Variants in CEP128 observed in about 807,000 individuals in gnomAD.
CEP128 encodes centrosomal protein 128.
Under a neutral mutation model 156.7 loss-of-function variants are expected in CEP128, and 132 were observed. That is an observed-to-expected ratio of 0.84 (90% CI 0.73 to 0.97). The LOEUF is 0.97. Among genes scored for constraint, CEP128 ranks in the 50% least tolerant of loss-of-function variants. The probability of loss-of-function intolerance (pLI) is 0.00; values close to 1 mark genes in which losing one functional copy is unlikely to be tolerated. For missense variants in CEP128, 1,252 were observed against 1,281.9 expected (o/e 0.98, Z 0.36); for synonymous variants, 469 against 448.9 (o/e 1.04, Z -0.57).
chr14:80,639,561 A>C (rs1301176202), intron 19 of CEP128, among the ~76,000 whole-genome samples: 3 of 152,162 alleles, frequency 2.0e-5, no homozygotes, highest in Admixed American at 2.0e-4. Flanking sequence ...TTTATTGTTG[A>C]CATTTGTTAG....
At chr14:80,560,698 A>G (rs1890632848) in intron 20 of CEP128, among the ~76,000 whole-genome samples, 1 of 152,048 alleles carries the variant, frequency 6.6e-6, no homozygotes, top group African/African-American at 2.4e-5. Flanking sequence ...GCAGGCAGAG[A>G]AATGTGAAAG....
chr14:80,622,479 G>A (rs1407425947), intron 19 of CEP128, among the ~76,000 whole-genome samples: 5 of 148,998 alleles, frequency 3.4e-5, no homozygotes, highest in Admixed American at 2.7e-4. Flanking sequence ...AAACTAAAGA[G>A]CTTCTGCACA....
At chr14:80,714,861 A>G (rs1483436663) in intron 19 of CEP128, among the ~76,000 whole-genome samples, 1 of 152,140 alleles carries the variant, frequency 6.6e-6, no homozygotes, top group African/African-American at 2.4e-5. Flanking sequence ...CAAAAAAGCA[A>G]TTTCCACCCT....
chr14:80,833,947 T>A (rs556780966), intron 12 of CEP128, among the ~76,000 whole-genome samples: 6 of 152,254 alleles, frequency 3.9e-5, no homozygotes, highest in South Asian at 2.1e-4. Flanking sequence ...TGCCACACAC[T>A]GAGACAGGAA....
chr14:80,923,717 A>T (rs1885001113), intron 2 of CEP128, among the ~76,000 whole-genome samples: 1 of 152,192 alleles, frequency 6.6e-6, no homozygotes, highest in African/African-American at 2.4e-5. Flanking sequence ...AGTGTACTTT[A>T]CACTTAATCA....
chr14:80,798,123 C>T (rs1439888338), intron 13 of CEP128, among the ~76,000 whole-genome samples: 2 of 152,114 alleles, frequency 1.3e-5, no homozygotes, highest in African/African-American at 2.4e-5. Context: ...AAATTCTTGC[C>T]CATACATTGC....
At chr14:80,741,855 T>C (rs1898848549) in intron 19 of CEP128, among the ~76,000 whole-genome samples, 1 of 151,802 alleles carries the variant, frequency 6.6e-6, no homozygotes, top group Admixed American at 6.6e-5. Flanking sequence ...ATGTGTACCA[T>C]TATAAAAAAA....
At chr14:80,891,799 C>T (rs899567671) in intron 8 of CEP128, among the ~76,000 whole-genome samples, 6 of 151,308 alleles carry the variant, frequency 4.0e-5, no homozygotes, top group Non-Finnish European at 7.4e-5. Flanking sequence ...AAATATTTCA[C>T]GAAATATGTA....
intron 19 of CEP128, among the ~76,000 whole-genome samples, chr14:80,615,073 G>A (rs978453656): frequency 6.6e-6 from 1 of 152,056 alleles, no homozygotes; most frequent in Non-Finnish European, 1.5e-5. Context: ...GTAAGAAATG[G>A]TATTGATTGG....
rs142632996 is a variant in CEP128 at position 80,569,930 on chromosome 14, C to G, written c.2856+10444G>C. Among the ~76,000 whole-genome samples, 178 of 152,084 alleles carry G rather than the reference C, an allele frequency of 1.2e-3. 4 individuals are homozygous for G. The Middle Eastern group carries it at 0.024, about 20-fold the overall frequency. On this transcript the variant is annotated intron_variant, in intron 20 of 24. Transcript: ENST00000555265. ...GAAAGAGCTAAAGGAAAAGTATTAC[C>G]GAGAGAGGCAGATGCAGAGATCCTG...
chr14:80,781,098 T>C (rs28535411), intron 15 of CEP128, among the ~76,000 whole-genome samples: 9,967 of 152,238 alleles, frequency 0.065, 1,090 homozygotes, highest in African/African-American at 0.23. Flanking sequence ...CCGATTCAGA[T>C]AGAGAATGAG....
At chr14:80,820,388 G>A (rs1885100661) in intron 13 of CEP128, among the ~76,000 whole-genome samples, 1 of 152,148 alleles carries the variant, frequency 6.6e-6, no homozygotes, top group African/African-American at 2.4e-5. Context: ...ATTTACTTTT[G>A]TCTTGATGGG....
intron 19 of CEP128, among the ~76,000 whole-genome samples, chr14:80,688,848 A>T (rs540841488): frequency 6.6e-6 from 1 of 152,318 alleles, no homozygotes; most frequent in East Asian, 1.9e-4. Flanking sequence ...CTTTGTTATA[A>T]TTTCACCTAT....
intron 16 of CEP128, among the ~76,000 whole-genome samples, chr14:80,762,084 AG>A (rs1899999104): frequency 6.6e-6 from 1 of 152,176 alleles, no homozygotes; most frequent in Admixed American, 6.5e-5. Context: ...ACATAGCTTT[AG>A]AAAAATTCTA....
chr14:80,855,365 G>A (rs934051119), intron 9 of CEP128, among the ~76,000 whole-genome samples: 3 of 152,066 alleles, frequency 2.0e-5, no homozygotes, highest in Admixed American at 1.3e-4. Flanking sequence ...ACAGGATTGT[G>A]TTTGACTTTT....
Position 80,862,877 on chromosome 14 carries a change from A to C in CEP128, c.646-4T>G, listed in dbSNP as rs1183289993. On this transcript the variant is annotated splice_polypyrimidine_tract_variant and splice_region_variant and intron_variant, in intron 8 of 24. Transcript: ENST00000555265. ...GCCGCTCCACCCGATCTGAAACCTT[A>C]ATAAGAATTCAGAGAAACAGCAGCA... 6.2e-7 allele frequency: 1 copy of C among 1,608,088 alleles called. No individual in the cohort carries two copies. Among genetic ancestry groups the C allele is most frequent in the Non-Finnish European group, 8.5e-7 (1 of 1,174,762 alleles).
intron 8 of CEP128, among the ~76,000 whole-genome samples, chr14:80,883,520 A>C (rs1888650061): frequency 6.6e-6 from 1 of 152,162 alleles, no homozygotes; most frequent in Non-Finnish European, 1.5e-5. Context: ...TTAAATACTT[A>C]GGAATTAACC....
At chr14:80,703,834 T>C (rs1897151729) in intron 19 of CEP128, among the ~76,000 whole-genome samples, 1 of 152,078 alleles carries the variant, frequency 6.6e-6, no homozygotes, top group Non-Finnish European at 1.5e-5. Context: ...TGCAATTCTA[T>C]CATTTTATCA....
intron 13 of CEP128, among the ~76,000 whole-genome samples, chr14:80,806,593 A>G (rs1464105638): frequency 6.6e-6 from 1 of 152,226 alleles, no homozygotes; most frequent in Non-Finnish European, 1.5e-5. Flanking sequence ...CTTTGGGAGA[A>G]GAAAATTTTA....
Sources: allele counts gnomAD v4.1 joint callset (sites outside exome capture counted in the v4.1 genomes callset), GRCh38; gene constraint gnomAD v4.1.1; transcripts MANE v1.5; gene names NCBI Gene and HGNC (gene_info 2026-07-23, HGNC 2026-07-21).